TMEM217: variants seen among roughly 807,000 people sequenced by gnomAD.
The protein encoded by TMEM217 is transmembrane protein 217.
For synonymous variants in TMEM217, 76 were observed against 88.3 expected (o/e 0.86, Z 0.78); for missense variants, 204 against 248.8 (o/e 0.82, Z 1.21).
intron 1 of TMEM217, among the ~76,000 whole-genome samples, chr6:37,247,641 C>T (rs1765166196): frequency 6.6e-6 from 1 of 152,222 alleles, no homozygotes; most frequent in South Asian, 2.1e-4. Context: ...CCACTTCGGC[C>T]TCCCAAAGTG....
At chr6:37,228,441 C>G (rs1445403823) in intron 1 of TMEM217, among the ~76,000 whole-genome samples, 1 of 152,202 alleles carries the variant, frequency 6.6e-6, no homozygotes. Flanking sequence ...TGATGGCTCA[C>G]GCTTGTAATC....
intron 1 of TMEM217, among the ~76,000 whole-genome samples, chr6:37,222,320 C>T (rs905232194): frequency 8.5e-5 from 13 of 152,148 alleles, no homozygotes; most frequent in Non-Finnish European, 2.9e-5. Flanking sequence ...CCATCCATGG[C>T]CCCCCCAGGG....
chr6:37,229,137 T>A (rs1764026497), intron 1 of TMEM217, among the ~76,000 whole-genome samples: 1 of 152,146 alleles, frequency 6.6e-6, no homozygotes, highest in South Asian at 2.1e-4. Flanking sequence ...ATTTCCTCGT[T>A]GATAGTTTCA....
intron 1 of TMEM217, among the ~76,000 whole-genome samples, chr6:37,249,405 C>T (rs1308505873): frequency 1.3e-5 from 2 of 152,110 alleles, no homozygotes; most frequent in Non-Finnish European, 2.9e-5. Context: ...CTGCAACCTC[C>T]ACTTTCCAGG....
chr6:37,239,213 G>C (rs1764640866), intron 1 of TMEM217, among the ~76,000 whole-genome samples: 1 of 152,164 alleles, frequency 6.6e-6, no homozygotes, highest in Non-Finnish European at 1.5e-5. Context: ...CATGGGCTGG[G>C]CACAGTGGCT....
chr6:37,223,035 A>T (rs1463536015), intron 1 of TMEM217, among the ~76,000 whole-genome samples: 1 of 152,242 alleles, frequency 6.6e-6, no homozygotes, highest in Non-Finnish European at 1.5e-5. Context: ...ATTAAGGAAT[A>T]ATTAGTTAAC....
downstream of TMEM217, among the ~76,000 whole-genome samples, chr6:37,213,250 C>T (rs1475493150): frequency 6.6e-6 from 1 of 152,214 alleles, no homozygotes; most frequent in Non-Finnish European, 1.5e-5. Context: ...GCTGTTCCAG[C>T]TTCAGCTTTG....
At chr6:37,246,731 T>C (rs1034499087) in intron 1 of TMEM217, among the ~76,000 whole-genome samples, 4 of 152,068 alleles carry the variant, frequency 2.6e-5, no homozygotes, top group African/African-American at 9.7e-5. Context: ...AGTGAGACCC[T>C]ATCTCTACAA....
chr6:37,256,934 G>A (rs1765779871), intron 1 of TMEM217, among the ~76,000 whole-genome samples: 2 of 152,186 alleles, frequency 1.3e-5, no homozygotes, highest in African/African-American at 4.8e-5. Context: ...AAATCTCATT[G>A]TCTGGGAAAA....
intron 1 of TMEM217, among the ~76,000 whole-genome samples, chr6:37,253,257 T>C (rs1174401607): frequency 6.6e-6 from 1 of 152,214 alleles, no homozygotes; most frequent in East Asian, 1.9e-4. Flanking sequence ...GTTTAAATCT[T>C]CATATTCTTT....
rs142303496 is a variant in TMEM217, at chr6:37,255,200, C to T, written c.-12+2368G>A. Among the ~76,000 whole-genome samples, 43 of 152,068 alleles carry T rather than the reference C, an allele frequency of 2.8e-4. 1 individual carries two copies. The East Asian group carries it at 5.8e-3, about 20-fold the overall frequency. On this transcript the variant is annotated intron_variant, in intron 1 of 1. Coordinates refer to ENST00000357219, the Ensembl canonical transcript of TMEM217. ...CGCTTTAAAGAAAAATAGAGCCAGG[C>T]AATAAGACCAATGGGCATGGCTGCA... is the stretch of plus-strand genomic sequence containing the variant.
At chr6:37,252,631 ATATATATTTTT>A (rs1562027859) in intron 1 of TMEM217, among the ~76,000 whole-genome samples, 9 of 77,326 alleles carry the variant, frequency 1.2e-4, no homozygotes, top group Admixed American at 6.0e-4. Context: ...ATATATATAT[ATATATATTTTT>A]TTTTTTTTTT....
At chr6:37,227,644 T>A (rs1173424606) in intron 1 of TMEM217, among the ~76,000 whole-genome samples, 1 of 151,928 alleles carries the variant, frequency 6.6e-6, no homozygotes, top group African/African-American at 2.4e-5. Flanking sequence ...TGGGGTTTCA[T>A]CATGCTGTCC....
intron 1 of TMEM217, among the ~76,000 whole-genome samples, chr6:37,234,702 C>T (rs1369102293): frequency 1.3e-5 from 2 of 151,988 alleles, no homozygotes; most frequent in African/African-American, 4.8e-5. Context: ...TGCCACTGCA[C>T]TCCAGCCTAG....
chr6:37,247,361 G>A (rs951065816), intron 1 of TMEM217, among the ~76,000 whole-genome samples: 19 of 150,808 alleles, frequency 1.3e-4, no homozygotes, highest in African/African-American at 4.4e-4. Flanking sequence ...GGGGAAGGAA[G>A]GCAGTCAATA....
chr6:37,256,359 C>T (rs532470018), intron 1 of TMEM217, among the ~76,000 whole-genome samples: 1 of 152,322 alleles, frequency 6.6e-6, no homozygotes, highest in African/African-American at 2.4e-5. Flanking sequence ...AAAGACAAAA[C>T]ATCAGCCTTA....
chr6:37,229,184 C>A (rs1764028880), intron 1 of TMEM217, among the ~76,000 whole-genome samples: 1 of 151,626 alleles, frequency 6.6e-6, no homozygotes, highest in East Asian at 1.9e-4. Flanking sequence ...TGCATTCAGG[C>A]ACCCAGATAA....
At chr6:37,228,841 C>T (rs551440485) in intron 1 of TMEM217, among the ~76,000 whole-genome samples, 1 of 147,640 alleles carries the variant, frequency 6.8e-6, no homozygotes, top group Non-Finnish European at 1.5e-5. Context: ...ACTAAAAACA[C>T]AAAAAATTAG....
chr6:37,252,508 A>G lies in TMEM217; in HGVS notation c.-12+5060T>C, dbSNP rs372610797. Among the ~76,000 whole-genome samples, 11 of 151,618 alleles carry G rather than the reference A, an allele frequency of 7.3e-5. No individual in the cohort carries two copies. In the East Asian group the frequency reaches 1.2e-3, roughly 16 times the overall value. ...TACATATACATGTATGCATATATAT[A>G]TGCACACACACATGCATATATATGT... On this transcript the variant is annotated intron_variant, in intron 1 of 1. Coordinates refer to ENST00000357219, the Ensembl canonical transcript of TMEM217.
Sources: gnomAD v4.1 joint callset for allele counts (sites outside exome capture counted in the v4.1 genomes callset) on GRCh38, gnomAD v4.1.1 for gene constraint, MANE v1.5 for transcripts, NCBI Gene and HGNC (gene_info 2026-07-23, HGNC 2026-07-21) for gene names.